LPXN: variants seen among roughly 807,000 people sequenced by gnomAD.
LPXN encodes leupaxin.
A neutral mutation model predicts 45.6 loss-of-function variants in LPXN; 28 were observed. The observed-to-expected ratio is 0.61, with a 90% CI of 0.45 to 0.84. The LOEUF (loss-of-function observed/expected upper bound fraction) is 0.84, where lower values mean the gene tolerates loss of function less well. Among genes scored for constraint, LPXN ranks in the 40% least tolerant of loss-of-function variants. LPXN has a pLI of 0.00. For missense variants in LPXN, 459 were observed against 475.0 expected, an observed-to-expected ratio of 0.97 and a Z score of 0.31; for synonymous variants, 166 against 169.9, an observed-to-expected ratio of 0.98 and a Z score of 0.18.
chr11:58,551,800 G>C (rs1264381341), intron 4 of LPXN, among the ~76,000 whole-genome samples: 1 of 152,294 alleles, frequency 6.6e-6, no homozygotes, highest in East Asian at 1.9e-4. Context: ...TTAGATGGAG[G>C]TAATAATCAA....
In LPXN at chr11:58,551,294, T is replaced by C. The variant is rs1854045248; in HGVS notation, c.319-62A>G. ...CATTTTTATTCTCATTGGCATCTTC[T>C]AATGACTCTATAAATTCACCTCTAC... On this transcript the variant is annotated intron_variant, in intron 4 of 8. Transcript: ENST00000395074. The C allele has an allele frequency of 2.9e-6, 4 of 1,383,722 alleles. No homozygotes were observed. In the South Asian group the frequency reaches 4.5e-5, roughly 16 times the overall value. The allele number at this position is 1,383,722 out of a possible 1,614,324, so 85.7% of individuals were successfully genotyped here. A position where few individuals can be genotyped will look rare whatever the true frequency, so the allele number is the denominator to read the frequency against.
At chr11:58,578,427 G>A (rs1854981754), upstream of LPXN, among the ~76,000 whole-genome samples, 1 of 152,176 alleles carries the variant, frequency 6.6e-6, no homozygotes, top group African/African-American at 2.4e-5. Flanking sequence ...AGTTAACGGT[G>A]CGCATGCGCC....
intron 7 of LPXN, among the ~76,000 whole-genome samples, chr11:58,545,203 AC>A (rs1396313844): frequency 6.6e-6 from 1 of 152,074 alleles, no homozygotes; most frequent in Non-Finnish European, 1.5e-5. Flanking sequence ...GCCATAAATG[AC>A]CCCATCAGCC....
intron 7 of LPXN, among the ~76,000 whole-genome samples, chr11:58,531,154 G>A (rs1246651760): frequency 1.3e-5 from 2 of 152,038 alleles, no homozygotes; most frequent in African/African-American, 2.4e-5. Flanking sequence ...TTCTCCAAAG[G>A]ATCACAACTC....
At chr11:58,539,522 T>G (rs951487100) in intron 7 of LPXN, among the ~76,000 whole-genome samples, 7 of 152,172 alleles carry the variant, frequency 4.6e-5, no homozygotes, top group African/African-American at 1.7e-4. Context: ...GGAAGATTAC[T>G]GGGATCATAT....
chr11:58,567,547 T>C (rs546139881), intron 2 of LPXN, among the ~76,000 whole-genome samples: 1 of 152,358 alleles, frequency 6.6e-6, no homozygotes, highest in African/African-American at 2.4e-5. Context: ...TATGAGTTAT[T>C]TGATACTAAT....
At chr11:58,559,565 G>T (rs1185485611) in intron 3 of LPXN, among the ~76,000 whole-genome samples, 3 of 152,102 alleles carry the variant, frequency 2.0e-5, no homozygotes, top group Non-Finnish European at 1.5e-5. Flanking sequence ...AAAAAGAAAA[G>T]CCCAGAACAA....
At chr11:58,542,878 G>A (rs759597309) in intron 7 of LPXN, among the ~76,000 whole-genome samples, 13 of 152,118 alleles carry the variant, frequency 8.5e-5, no homozygotes, top group Non-Finnish European at 1.3e-4. Context: ...TAGGTTAATA[G>A]GGTAATAAGT....
At chr11:58,569,071 G>A (rs2509920) in intron 2 of LPXN, among the ~76,000 whole-genome samples, 1 of 151,934 alleles carries the variant, frequency 6.6e-6, no homozygotes, top group Non-Finnish European at 1.5e-5. Context: ...AATTCGTATC[G>A]TTAAAATTGT....
intron 7 of LPXN, among the ~76,000 whole-genome samples, chr11:58,544,105 CT>C (rs1853811896): frequency 6.6e-6 from 1 of 152,182 alleles, no homozygotes; most frequent in Admixed American, 6.5e-5. Flanking sequence ...CTCTAAACCC[CT>C]GAGACACAGA....
chr11:58,532,483 G>C (rs1203647068), intron 7 of LPXN, among the ~76,000 whole-genome samples: 1 of 152,240 alleles, frequency 6.6e-6, no homozygotes, highest in Non-Finnish European at 1.5e-5. Flanking sequence ...TCTGTGTCTG[G>C]CTCAGGGATT....
intron 7 of LPXN, among the ~76,000 whole-genome samples, chr11:58,535,359 G>A (rs552582498): frequency 6.6e-4 from 101 of 152,300 alleles, no homozygotes; most frequent in African/African-American, 2.4e-3. Context: ...ACGCAAGGCT[G>A]GTTCAACATA....
At chr11:58,567,780 A>G (rs1854568219) in intron 2 of LPXN, among the ~76,000 whole-genome samples, 2 of 152,308 alleles carry the variant, frequency 1.3e-5, no homozygotes, top group Non-Finnish European at 2.9e-5. Flanking sequence ...TTGCATATTC[A>G]TTATCAGCTT....
At chr11:58,577,959 C>T (rs1055152919), upstream of LPXN, 1 of 1,542,016 alleles carries the variant, frequency 6.5e-7, no homozygotes, top group African/African-American at 1.4e-5. Flanking sequence ...GCCCAAGGAC[C>T]CCATGGAACC....
chr11:58,574,512 G>GT (rs1484935462), intron 1 of LPXN, among the ~76,000 whole-genome samples: 1 of 152,018 alleles, frequency 6.6e-6, no homozygotes, highest in Non-Finnish European at 1.5e-5. Context: ...TACTAAATAA[G>GT]TATTAGTTTC....
At chr11:58,578,549 A>C (rs1854990630), upstream of LPXN, among the ~76,000 whole-genome samples, 1 of 152,204 alleles carries the variant, frequency 6.6e-6, no homozygotes, top group South Asian at 2.1e-4. Context: ...AGGAGAAGCG[A>C]CAGCTCAAAA....
Position 58,528,056 on chromosome 11 carries a change from C to T in LPXN, c.878G>A (p.Cys293Tyr). 6.2e-7 allele frequency: 1 copy of T among 1,614,040 alleles called. No individual in the cohort carries two copies. Among genetic ancestry groups the T allele is most frequent in the South Asian group, 1.1e-5 (1 of 91,058 alleles). ...SAMDTVWHPE[C>Y]FVCGDCFTSF... The stretch of plus-strand genomic sequence containing the variant: ...GATTATACAGACCCCACAAACAAAG[C>T]ACTCTGGGTGCCAGACAGTGTCCAT... The change falls in exon 8 of 9, where the codon TGC becomes TAC. Residue 293 changes from cysteine to tyrosine, a missense_variant. By Grantham distance (194) the Cys-to-Tyr change is radical. Coordinates refer to ENST00000395074, the MANE Select transcript of LPXN (RefSeq NM_004811.3).
chr11:58,559,459 T>A (rs1037804671), intron 3 of LPXN, among the ~76,000 whole-genome samples: 1 of 152,146 alleles, frequency 6.6e-6, no homozygotes, highest in Non-Finnish European at 1.5e-5. Context: ...GTAAAATAAA[T>A]AATGGTTCAT....
chr11:58,578,079 C>A, upstream of LPXN: 1 of 1,549,182 alleles, frequency 6.5e-7, no homozygotes, highest in South Asian at 1.2e-5. Flanking sequence ...GAGGAGGTGT[C>A]ATCTGACCAA....
Sources: gnomAD v4.1 joint callset for allele counts (sites outside exome capture counted in the v4.1 genomes callset) on GRCh38, gnomAD v4.1.1 for gene constraint, MANE v1.5 for transcripts, NCBI Gene and HGNC (gene_info 2026-07-23, HGNC 2026-07-21) for gene names.